The following MAPRE2 variants were observed in gnomAD, a reference collection of about 807,000 sequenced individuals.
The protein encoded by MAPRE2 is microtubule associated protein RP/EB family member 2.
Under a neutral mutation model 43.2 loss-of-function variants are expected in MAPRE2, and 13 were observed. The observed-to-expected ratio is 0.30, with a 90% CI of 0.20 to 0.48. MAPRE2 has a LOEUF of 0.48. Among genes scored for constraint, MAPRE2 ranks in the 20% least tolerant of loss-of-function variants. The pLI, the probability that MAPRE2 is intolerant of heterozygous loss-of-function variation, is 0.99. For synonymous variants in MAPRE2, 135 were observed against 148.8 expected (o/e 0.91, Z 0.68); for missense variants, 161 against 400.2 (o/e 0.40, Z 5.10).
chr18:34,987,280 C>A (rs1487686098), intron 1 of MAPRE2, among the ~76,000 whole-genome samples: 2 of 152,132 alleles, frequency 1.3e-5, no homozygotes, highest in Non-Finnish European at 2.9e-5. Context: ...AAGTGAGATT[C>A]CAAGTGATTG....
chr18:35,113,015 C>G (rs1351591463), intron 4 of MAPRE2, among the ~76,000 whole-genome samples: 3 of 152,178 alleles, frequency 2.0e-5, no homozygotes, highest in Non-Finnish European at 4.4e-5. Flanking sequence ...GCATTGATCT[C>G]ATTCATGAGG....
At chr18:34,982,763 T>C (rs990982595) in intron 1 of MAPRE2, among the ~76,000 whole-genome samples, 3 of 152,228 alleles carry the variant, frequency 2.0e-5, no homozygotes, top group Non-Finnish European at 2.9e-5. Flanking sequence ...TAAGCTGTGT[T>C]GAGATAAAAC....
In MAPRE2 at chr18:35,005,550, C is replaced by T. The variant is rs909396421; in HGVS notation, c.-11C>T. 17 of 1,540,220 alleles carry T rather than the reference C, an allele frequency of 1.1e-5. No homozygotes were observed. In the Admixed American group the frequency reaches 3.2e-4, roughly 29 times the overall value. ...CAGCCAGGGAGAAAGCCTGGATGCT[C>T]AAGGTAAGGTTTATATAAATTACGT... On this transcript the variant is annotated 5_prime_UTR_variant, in exon 2 of 8. Transcript: ENST00000413393.
intron 1 of MAPRE2, among the ~76,000 whole-genome samples, chr18:34,998,763 G>A (rs1368935172): frequency 9.5e-5 from 12 of 126,794 alleles, no homozygotes; most frequent in African/African-American, 3.6e-4. Context: ...GAGCCTGGCC[G>A]AAGTTGCAAT....
intron 2 of MAPRE2, among the ~76,000 whole-genome samples, chr18:35,010,766 T>C (rs2097034165): frequency 6.6e-6 from 1 of 152,216 alleles, no homozygotes; most frequent in Non-Finnish European, 1.5e-5. Flanking sequence ...TTATCTTACA[T>C]GTTCTATGGA....
chr18:35,001,513 C>CA (rs57415569), intron 1 of MAPRE2, among the ~76,000 whole-genome samples: 3,224 of 137,150 alleles, frequency 0.024, 108 homozygotes, highest in African/African-American at 0.08. Context: ...GACTTTGTCT[C>CA]AAAAAAAAAA....
At chr18:35,063,263 C>T (rs1321647449) in intron 1 of MAPRE2, among the ~76,000 whole-genome samples, 1 of 152,122 alleles carries the variant, frequency 6.6e-6, no homozygotes, top group African/African-American at 2.4e-5. Context: ...ACCACCACGC[C>T]TGGCTAATTT....
chr18:34,980,369 C>A (rs549230727), intron 1 of MAPRE2, among the ~76,000 whole-genome samples: 2 of 152,210 alleles, frequency 1.3e-5, no homozygotes, highest in Non-Finnish European at 2.9e-5. Context: ...ACACAGCAAG[C>A]ACTCAATATT....
chr18:35,026,724 C>G (rs893114013), intron 2 of MAPRE2, among the ~76,000 whole-genome samples: 1 of 152,158 alleles, frequency 6.6e-6, no homozygotes, highest in Non-Finnish European at 1.5e-5. Flanking sequence ...GCCAAGGTGA[C>G]TAGGGACCTT....
Position 34,985,503 on chromosome 18 carries a change from T to TATATATATTATATATTATAA in MAPRE2, c.-70+8429_-70+8430insTATTATATATTATAAATATA, listed in dbSNP as rs1555909528. On this transcript the variant is annotated intron_variant, in intron 1 of 7. Coordinates refer to the MAPRE2 transcript ENST00000413393. The stretch of plus-strand genomic sequence containing the variant: ...AATATATATATTGTATATTATATAA[T>TATATATATTATATATTATAA]ATATAATATATATATTATATATTAT... Among the ~76,000 whole-genome samples, 77 of 42,718 alleles carry TATATATATTATATATTATAA rather than the reference T, an allele frequency of 1.8e-3. 2 individuals carry two copies. The highest frequency in any genetic ancestry group is 7.4e-3 in the African/African-American group (73 of 9,824). The allele number at this position is 42,718 out of a possible 152,430, so 28.0% of individuals were successfully genotyped here. A position where few individuals can be genotyped will look rare whatever the true frequency, so the allele number is the denominator to read the frequency against.
chr18:34,980,571 C>A (rs540672102), intron 1 of MAPRE2, among the ~76,000 whole-genome samples: 1 of 152,252 alleles, frequency 6.6e-6, no homozygotes, highest in East Asian at 1.9e-4. Flanking sequence ...CCAAAGCATC[C>A]TGAGTACATT....
chr18:35,143,362 C>G lies in MAPRE2; in HGVS notation c.*2993C>G, dbSNP rs897559692. 1 of 152,078 alleles carries G rather than the reference C, an allele frequency of 6.6e-6. No homozygotes were observed. Among genetic ancestry groups the G allele is most frequent in the South Asian group, 2.1e-4 (1 of 4,820 alleles). 9.4% of individuals were successfully genotyped at this position (152,078 alleles called of 1,614,324 possible). A position where few individuals can be genotyped will look rare whatever the true frequency, so the allele number is the denominator to read the frequency against. On this transcript the variant is annotated 3_prime_UTR_variant, in exon 7 of 7. Coordinates refer to ENST00000300249, the MANE Select transcript of MAPRE2 (RefSeq NM_014268.4). Reference sequence around the variant, plus strand: ...GATGTATCACATTCATTTTACATTACCCACCTATTGTCGCATGGTAGAATA... The same window carrying G: ...GATGTATCACATTCATTTTACATTAGCCACCTATTGTCGCATGGTAGAATA...
intron 2 of MAPRE2, among the ~76,000 whole-genome samples, chr18:35,022,526 G>GA (rs1568974558): frequency 6.6e-6 from 1 of 152,064 alleles, no homozygotes; most frequent in Non-Finnish European, 1.5e-5. Flanking sequence ...AATGGCATGT[G>GA]AAAAAAATCC....
upstream of MAPRE2, among the ~76,000 whole-genome samples, chr18:35,040,380 A>G (rs1306990651): frequency 1.3e-5 from 2 of 152,168 alleles, no homozygotes; most frequent in Non-Finnish European, 2.9e-5. Flanking sequence ...GATTTATAAT[A>G]TTTATTGAGC....
chr18:35,112,683 A>C (rs1603402301), intron 4 of MAPRE2, among the ~76,000 whole-genome samples: 1 of 152,342 alleles, frequency 6.6e-6, no homozygotes, highest in African/African-American at 2.4e-5. Context: ...GGAAGAAGAG[A>C]GGTAGCAGTG....
At chr18:35,101,341 G>A (rs1441575506) in intron 3 of MAPRE2, among the ~76,000 whole-genome samples, 2 of 152,124 alleles carry the variant, frequency 1.3e-5, no homozygotes, top group Admixed American at 1.3e-4. Context: ...CAATATGAAA[G>A]AAGCACATCG....
intron 4 of MAPRE2, among the ~76,000 whole-genome samples, chr18:35,124,474 C>G (rs1285677128): frequency 6.6e-6 from 1 of 152,074 alleles, no homozygotes; most frequent in Non-Finnish European, 1.5e-5. Context: ...GTCATAGAAC[C>G]CTGGCTTGTT....
intron 1 of MAPRE2, among the ~76,000 whole-genome samples, chr18:35,047,350 A>T (rs892667653): frequency 6.6e-6 from 1 of 152,214 alleles, no homozygotes; most frequent in Admixed American, 6.5e-5. Context: ...CTTAGCCAAT[A>T]TCTGAAGCAC....
chr18:35,026,564 G>A (rs1413196393), intron 2 of MAPRE2, among the ~76,000 whole-genome samples: 1 of 151,960 alleles, frequency 6.6e-6, no homozygotes, highest in Non-Finnish European at 1.5e-5. Context: ...GGCGCAGTCT[G>A]CAGAGGCCTG....
Sources: allele counts gnomAD v4.1 joint callset (sites outside exome capture counted in the v4.1 genomes callset), GRCh38; gene constraint gnomAD v4.1.1; transcripts MANE v1.5; gene names NCBI Gene and HGNC (gene_info 2026-07-23, HGNC 2026-07-21).